Variants in ASB9 observed in about 807,000 individuals in gnomAD.
The protein encoded by ASB9 is ankyrin repeat and SOCS box protein 9.
ASB9 carries 5 observed loss-of-function variants against 16.6 expected under a neutral mutation model. The ratio of observed to expected loss-of-function variants is 0.30; its 90% CI spans 0.16 to 0.63. The LOEUF (loss-of-function observed/expected upper bound fraction) is 0.63. Ranked by LOEUF, ASB9 falls within the 30% of genes least tolerant of loss-of-function variation. The pLI, the probability that ASB9 is intolerant of heterozygous loss-of-function variation, is 0.82. For synonymous variants in ASB9, 100 were observed against 86.4 expected, an observed-to-expected ratio of 1.16 and a Z score of -0.87; for missense variants, 216 against 229.4, an observed-to-expected ratio of 0.94 and a Z score of 0.38.
chrX:15,258,029 C>T (rs766979224), intron 2 of ASB9, among the ~76,000 whole-genome samples: 54 of 112,233 alleles, frequency 4.8e-4, no homozygotes, highest in African/African-American at 1.6e-3. Context: ...CCAAGCCCAG[C>T]CTAGATGAAC....
Position 15,262,472 on chromosome X carries a change from A to G in ASB9, c.95-3527T>C, listed in dbSNP as rs777112865. Among the ~76,000 whole-genome samples the G allele has an allele frequency of 2.7e-5, 3 of 112,405 alleles. No individual in the cohort carries two copies. In the Admixed American group the frequency reaches 2.8e-4, roughly 11 times the overall value. ...TTGTTAAGCCTGTCACAGTATGCCT[A>G]TGCTCCTGCCCAGAAGAAAAACGTG... On this transcript the variant is annotated intron_variant, in intron 1 of 6. Transcript: ENST00000380488.
At chrX:15,261,061 G>T (rs1602155438) in intron 1 of ASB9, among the ~76,000 whole-genome samples, 1 of 111,635 alleles carries the variant, frequency 9.0e-6, no homozygotes, top group East Asian at 2.8e-4. Flanking sequence ...AAAACCTCAC[G>T]CTTAATAGAT....
intron 1 of ASB9, among the ~76,000 whole-genome samples, chrX:15,262,160 T>A (rs893710920): frequency 1.8e-5 from 2 of 109,876 alleles, no homozygotes; most frequent in Admixed American, 9.8e-5. Context: ...AATTCCATTG[T>A]ATGGATAAGC....
At chrX:15,255,134 T>C (rs753841017) in intron 2 of ASB9, among the ~76,000 whole-genome samples, 23 of 111,578 alleles carry the variant, frequency 2.1e-4, no homozygotes, top group Non-Finnish European at 3.8e-4. Context: ...TAGATAAATA[T>C]ACAAGAATAT....
At chrX:15,263,564 TTC>T (rs901006735) in intron 1 of ASB9, among the ~76,000 whole-genome samples, 9 of 95,487 alleles carry the variant, frequency 9.4e-5, no homozygotes, top group Non-Finnish European at 1.2e-4. Flanking sequence ...CTTCTCTCTC[TTC>T]TCTTTCCTGT....
At chrX:15,264,994 C>T (rs1297877718) in intron 1 of ASB9, among the ~76,000 whole-genome samples, 1 of 112,051 alleles carries the variant, frequency 8.9e-6, no homozygotes, top group Non-Finnish European at 1.9e-5. Context: ...CTTCTCTTCC[C>T]TTAGCACCTG....
chrX:15,256,221 C>T (rs1315648649), intron 2 of ASB9, among the ~76,000 whole-genome samples: 1 of 109,338 alleles, frequency 9.1e-6, no homozygotes, highest in Admixed American at 9.8e-5. Context: ...CATGCCCATT[C>T]ATTTACATAT....
Position 15,267,417 on chromosome X carries a change from A to AT in ASB9, c.94+2363_94+2364insA, listed in dbSNP as rs1555934601. Reference sequence around the variant, plus strand: ...AGAGCGAGACTCCATCTAAAAAAAAAATATATATATATATATAATTATATA... The same window carrying AT: ...AGAGCGAGACTCCATCTAAAAAAAAATATATATATATATATATAATTATATA... On this transcript the variant is annotated intron_variant, in intron 1 of 6. Transcript: ENST00000380488. 6.8e-3 allele frequency among the ~76,000 whole-genome samples: 531 copies of AT among 77,947 alleles called. 5 individuals are homozygous for AT. Among genetic ancestry groups the AT allele is most frequent in the African/African-American group, 0.012 (236 of 19,381 alleles). 67.7% of individuals were successfully genotyped at this position (77,947 alleles called of 115,157 possible). A position where few individuals can be genotyped will look rare whatever the true frequency, so the allele number is the denominator to read the frequency against.
intron 2 of ASB9, 21 bp downstream of exon 2, chrX:15,258,845 A>G (rs761949853): frequency 3.4e-6 from 4 of 1,168,638 alleles, no homozygotes; most frequent in Non-Finnish European, 4.7e-6. Context: ...TTTCTTCTGT[A>G]TTGTATTTTC....
Position 15,263,266 on chromosome X carries a change from G to A in ASB9, c.95-4321C>T, listed in dbSNP as rs140691466. 2.3e-3 allele frequency among the ~76,000 whole-genome samples: 254 copies of A among 111,164 alleles called. 2 individuals carry two copies. Among genetic ancestry groups the A allele is most frequent in the African/African-American group, 7.9e-3 (242 of 30,628 alleles). ...AAAAAAGAAGTCGGGTTGCTCTGAG[G>A]GGACAGGAGTATTTGCCTTCAGTCT... is the stretch of plus-strand genomic sequence containing the variant. On this transcript the variant is annotated intron_variant, in intron 1 of 6. Transcript: ENST00000380488.
intron 5 of ASB9, among the ~76,000 whole-genome samples, chrX:15,250,074 A>G (rs1292087953): frequency 8.9e-6 from 1 of 111,874 alleles, no homozygotes; most frequent in African/African-American, 3.3e-5. Context: ...AAGATTCAAC[A>G]CTAATCCAAC....
In ASB9 at chrX:15,262,745, C is replaced by T. The variant is rs989157039; in HGVS notation, c.95-3800G>A. On this transcript the variant is annotated intron_variant, in intron 1 of 6. Transcript: ENST00000380488. ...CTCCTGGGTTCAAGTGGTTCTCCTG[C>T]CTCAGCCTCTCAAGTAACTGGGACT... 2.2e-4 allele frequency among the ~76,000 whole-genome samples: 25 copies of T among 112,356 alleles called. No individual in the cohort carries two copies. In the Admixed American group the frequency reaches 2.4e-3, roughly 11 times the overall value.
intron 1 of ASB9, among the ~76,000 whole-genome samples, chrX:15,269,242 T>A (rs989670147): frequency 8.9e-6 from 1 of 112,175 alleles, no homozygotes; most frequent in Non-Finnish European, 1.9e-5. Flanking sequence ...GAAGTGTGTA[T>A]TTGTGGGATT....
chrX:15,245,289 T>C (rs1354060504), intron 6 of ASB9, among the ~76,000 whole-genome samples: 2 of 111,289 alleles, frequency 1.8e-5, no homozygotes, highest in Admixed American at 9.6e-5. Flanking sequence ...CATTTGGCAG[T>C]GTCTGGAGAC....
At chrX:15,244,672 G>A in intron 6 of ASB9, 42 bp from the exon 7 acceptor site, 1 of 1,074,320 alleles carries the variant, frequency 9.3e-7, no homozygotes. Context: ...TGGTGCTATT[G>A]ATCTAAGACT....
chrX:15,247,171 C>T (rs1190792449), intron 6 of ASB9, among the ~76,000 whole-genome samples: 1 of 111,400 alleles, frequency 9.0e-6, no homozygotes, highest in Non-Finnish European at 1.9e-5. Context: ...GTTTTCTGCA[C>T]TTTCCTGACC....
Position 15,252,258 on chromosome X carries a change from C to T in ASB9, c.429G>A (p.Arg143=), listed in dbSNP as rs1008795364. The T allele has an allele frequency of 4.2e-6, 5 of 1,202,478 alleles. No individual in the cohort carries two copies. The African/African-American group carries it at 5.3e-5, about 13-fold the overall frequency. ...AAAAATTCTCAACAGATTTACCTCTCCTAGCAGCTTCATGGATGGGGGATG... is the reference window on the plus strand; with the variant it reads ...AAAAATTCTCAACAGATTTACCTCTTCTAGCAGCTTCATGGATGGGGGATG... ...DLASPIHEAA[R]RGHVECVNSL... Residue 143 remains arginine (R), a synonymous_variant, in exon 4 of 7, where the codon AGG becomes AGA. Transcript: ENST00000380488.
chrX:15,261,290 A>T (rs1925946935), intron 1 of ASB9, among the ~76,000 whole-genome samples: 1 of 112,156 alleles, frequency 8.9e-6, no homozygotes, highest in South Asian at 3.7e-4. Context: ...CAAATTGAGA[A>T]AGGTTTTGAA....
intron 1 of ASB9, among the ~76,000 whole-genome samples, chrX:15,265,026 CTCTT>C (rs1191430987): frequency 4.5e-5 from 5 of 112,264 alleles, no homozygotes; most frequent in African/African-American, 1.3e-4. Context: ...CATCCAGAAT[CTCTT>C]TCTGCTTCTC....
Sources: gnomAD v4.1 joint callset for allele counts (sites outside exome capture counted in the v4.1 genomes callset) on GRCh38, gnomAD v4.1.1 for gene constraint, MANE v1.5 for transcripts, NCBI Gene and HGNC (gene_info 2026-07-23, HGNC 2026-07-21) for gene names.